CACNA1S: variants seen among roughly 807,000 people sequenced by gnomAD.
CACNA1S encodes the protein calcium voltage-gated channel subunit alpha1 S.
Under a neutral mutation model 207.4 loss-of-function variants are expected in CACNA1S, and 126 were observed. The observed-to-expected ratio is 0.61, with a 90% CI of 0.53 to 0.70. The LOEUF (loss-of-function observed/expected upper bound fraction) is 0.70, where lower values mean the gene tolerates loss of function less well. CACNA1S is among the 30% of genes least tolerant of loss of function. The pLI is 0.00. For synonymous variants in CACNA1S, 960 were observed against 932.7 expected (o/e 1.03, Z -0.53); for missense variants, 2,349 against 2,422.8 (o/e 0.97, Z 0.64).
At chr1:201,106,151 C>A (rs922597810) in intron 2 of CACNA1S, among the ~76,000 whole-genome samples, 1 of 152,004 alleles carries the variant, frequency 6.6e-6, no homozygotes, top group Non-Finnish European at 1.5e-5. Context: ...CATCCTCCCC[C>A]TCCCCCACAC....
Position 201,062,066 on chromosome 1 carries a change from G to A in CACNA1S, c.2931C>T (p.Asp977=), listed in dbSNP as rs374912997. 1.2e-5 allele frequency: 20 copies of A among 1,613,902 alleles called. No homozygotes were observed. The highest frequency in any genetic ancestry group is 5.3e-5 in the African/African-American group (4 of 74,938). ...ECRGYYYVYK[D]GDPMQIELRH... ...GCAGCTCTATCTGCATGGGGTCCCC[G>A]TCCTTGTACACGTAGTAGTAGCCCC... Residue 977 remains aspartate (D), a synonymous_variant, in exon 24 of 44, where the codon GAC becomes GAT. Coordinates refer to ENST00000362061, the MANE Select transcript of CACNA1S (RefSeq NM_000069.3).
At chr1:201,055,014 G>A (rs1660790336) in intron 28 of CACNA1S, among the ~76,000 whole-genome samples, 2 of 152,174 alleles carry the variant, frequency 1.3e-5, no homozygotes, top group Admixed American at 6.5e-5. Context: ...CATCTCCCAG[G>A]GGCACAGCTC....
intron 21 of CACNA1S, 44 bp from the exon 22 acceptor site, chr1:201,065,989 T>A: frequency 7.3e-7 from 1 of 1,375,264 alleles, no homozygotes; most frequent in Non-Finnish European, 1.0e-6. Flanking sequence ...GCACCCACAG[T>A]AACCCTGCTA....
chr1:201,073,654 A>T lies in CACNA1S; in HGVS notation c.2064-12T>A. The stretch of plus-strand genomic sequence containing the variant: ...TGTCTGGGAGACCCCTGAGTTAGAA[A>T]ACCCAAAGTGGAAGCCAAACCAGAA... On this transcript the variant is annotated splice_polypyrimidine_tract_variant and intron_variant, in intron 14 of 43. Transcript: ENST00000362061. 6.2e-7 allele frequency: 1 copy of T among 1,609,456 alleles called. No individual in the cohort carries two copies. The highest frequency in any genetic ancestry group is 1.1e-5 in the South Asian group (1 of 90,986).
At chr1:201,047,028 G>A in intron 38 of CACNA1S, 87 bp downstream of exon 38, 2 of 1,538,274 alleles carry the variant, frequency 1.3e-6, no homozygotes, top group Admixed American at 3.3e-5. Flanking sequence ...TCCATCATTG[G>A]CCCCTCAAGG....
rs1660045349 is a variant in CACNA1S, at chr1:201,039,730, G to A, written c.*101C>T. 1 of 1,513,000 alleles carries A rather than the reference G, an allele frequency of 6.6e-7. No homozygotes were observed. The highest frequency in any genetic ancestry group is 1.4e-5 in the African/African-American group (1 of 73,256). The allele number at this position is 1,513,000 out of a possible 1,614,324, so 93.7% of individuals were successfully genotyped here. ...GGCCATGCATCTAGCTGCTGAGAGGGAGGGAGGCTGCTGCGGTGGGCTAGC... is the reference window on the plus strand; with the variant it reads ...GGCCATGCATCTAGCTGCTGAGAGGAAGGGAGGCTGCTGCGGTGGGCTAGC... On this transcript the variant is annotated 3_prime_UTR_variant, in exon 44 of 44. Transcript: ENST00000362061.
chr1:201,080,469 C>A (rs149510490), intron 10 of CACNA1S, among the ~76,000 whole-genome samples: 1 of 152,060 alleles, frequency 6.6e-6, no homozygotes, highest in East Asian at 1.9e-4. Context: ...ACGGTGCTCT[C>A]GAGAAGATTG....
intron 18 of CACNA1S, 113 bp downstream of exon 18, chr1:201,069,359 C>CT: frequency 6.6e-7 from 1 of 1,521,000 alleles, no homozygotes; most frequent in Non-Finnish European, 9.0e-7. Context: ...GAACTGAACT[C>CT]TAAGAAACTC....
In CACNA1S at chr1:201,054,525, C is replaced by T; in HGVS notation, c.3646G>A (p.Gly1216Ser). Residue 1216 changes from glycine (G) to serine (S), a missense_variant, in exon 29 of 44, where the codon GGT becomes AGT. By Grantham distance (56) the Gly-to-Ser change is moderately conservative. Transcript: ENST00000362061. The stretch of plus-strand genomic sequence containing the variant: ...ATTACAACGTTCCCGCAGCCTCCAC[C>T]CAGGCAATACAGTCCCCCGCTGGAG... The part of the protein sequence containing the change: ...LASSGGLYCL[G>S]GGCGNVDPDE... 6.2e-7 allele frequency: 1 copy of T among 1,613,914 alleles called. No homozygotes were observed. Among genetic ancestry groups the T allele is most frequent in the Non-Finnish European group, 8.5e-7 (1 of 1,179,926 alleles).
chr1:201,100,705 G>C (rs938311057), intron 2 of CACNA1S, among the ~76,000 whole-genome samples: 4 of 152,212 alleles, frequency 2.6e-5, no homozygotes, highest in Non-Finnish European at 5.9e-5. Context: ...CATGCTCAGG[G>C]TGAAGGGGGC....
intron 19 of CACNA1S, among the ~76,000 whole-genome samples, chr1:201,068,730 G>A (rs922311020): frequency 6.6e-6 from 1 of 151,936 alleles, no homozygotes; most frequent in Non-Finnish European, 1.5e-5. Context: ...AAATTAGCTG[G>A]GTGTGGTGGC....
intron 38 of CACNA1S, 115 bp downstream of exon 38, chr1:201,047,000 C>T: frequency 1.4e-6 from 2 of 1,400,500 alleles, no homozygotes; most frequent in South Asian, 1.2e-5. Flanking sequence ...TTCTGGGCTT[C>T]CTTTTTCCCT....
intron 43 of CACNA1S, 72 bp from the exon 44 acceptor site, chr1:201,040,154 C>A: frequency 6.2e-7 from 1 of 1,611,866 alleles, no homozygotes; most frequent in Non-Finnish European, 8.5e-7. Context: ...TCTGTTGGCC[C>A]TACCCTCTCT....
intron 36 of CACNA1S, 51 bp from the exon 37 acceptor site, chr1:201,047,677 A>G (rs1266531919): frequency 8.5e-7 from 1 of 1,174,218 alleles, no homozygotes; most frequent in Non-Finnish European, 1.3e-6. Flanking sequence ...ACTGCACTTG[A>G]CAAGGCCACC....
rs763794604 is a variant in CACNA1S, at chr1:201,077,069, C to T, written c.1678G>A (p.Ala560Thr). ...ASLLNSIRSI[A>T]SLLLLLFLFI... ...AGGAAGAGCAGCAGCAGCAGGGAGG[C>T]GATGGAGCGGATGGAGTTGAGCAGG... Residue 560 changes from alanine to threonine, a missense_variant, in exon 12 of 44, where the codon GCC becomes ACC. Physicochemically the swap from Ala to Thr is moderately conservative, Grantham distance 58. Coordinates refer to ENST00000362061, the MANE Select transcript of CACNA1S (RefSeq NM_000069.3). The T allele has an allele frequency of 2.7e-5, 44 of 1,614,042 alleles. No homozygotes were observed. The highest frequency in any genetic ancestry group is 2.0e-4 in the East Asian group (9 of 44,892).
At chr1:201,041,847 C>G (rs1033755179) in intron 40 of CACNA1S, 2 of 545,052 alleles carry the variant, frequency 3.7e-6, no homozygotes, top group African/African-American at 3.8e-5. Context: ...TTCTGTTCAT[C>G]TTCCAAGGCC....
chr1:201,043,577 G>A (rs1660369796), intron 39 of CACNA1S, 46 bp from the exon 40 acceptor site: 3 of 1,570,578 alleles, frequency 1.9e-6, no homozygotes, highest in Non-Finnish European at 2.6e-6. Flanking sequence ...GGGCAGGGAG[G>A]GCATGGGGGG....
chr1:201,111,499 C>T (rs1267930482), intron 1 of CACNA1S, among the ~76,000 whole-genome samples: 1 of 152,102 alleles, frequency 6.6e-6, no homozygotes, highest in African/African-American at 2.4e-5. Context: ...CCCAGGGTGG[C>T]ACGTCTGAGC....
intron 5 of CACNA1S, among the ~76,000 whole-genome samples, chr1:201,089,972 C>G (rs932992179): frequency 6.6e-6 from 1 of 152,224 alleles, no homozygotes; most frequent in African/African-American, 2.4e-5. Context: ...CCCGAGCCTG[C>G]ACTCTCCTTT....
Sources: gnomAD v4.1 joint callset for allele counts (sites outside exome capture counted in the v4.1 genomes callset) on GRCh38, gnomAD v4.1.1 for gene constraint, MANE v1.5 for transcripts, NCBI Gene and HGNC (gene_info 2026-07-23, HGNC 2026-07-21) for gene names.